The following FOLH1 variants were observed in gnomAD, a reference collection of about 807,000 sequenced individuals.
FOLH1 encodes glutamate carboxypeptidase 2.
In FOLH1, 54 loss-of-function variants were observed where a neutral mutation model predicts 93.9. That is an observed-to-expected ratio of 0.57 (90% CI 0.46 to 0.72). FOLH1 has a LOEUF of 0.72. Ranked by LOEUF, FOLH1 falls within the 30% of genes least tolerant of loss-of-function variation. The pLI, the probability that FOLH1 is intolerant of heterozygous loss-of-function variation, is 0.00. For missense variants in FOLH1, 571 were observed against 892.5 expected (o/e 0.64, Z 4.59); for synonymous variants, 249 against 303.6 (o/e 0.82, Z 1.87).
At chr11:49,184,523 A>G (rs1051347288) in intron 6 of FOLH1, among the ~76,000 whole-genome samples, 1 of 152,198 alleles carries the variant, frequency 6.6e-6, no homozygotes, top group African/African-American at 2.4e-5. Flanking sequence ...TTGGAAATAA[A>G]AAGGTGGAGC....
intron 6 of FOLH1, among the ~76,000 whole-genome samples, chr11:49,184,942 G>T (rs1428903972): frequency 6.6e-6 from 1 of 152,190 alleles, no homozygotes; most frequent in Non-Finnish European, 1.5e-5. Flanking sequence ...TGCCCATTCA[G>T]AGGAGGGGTG....
chr11:49,175,918 T>C lies in FOLH1; in HGVS notation c.960A>G (p.Arg320=). 6.2e-7 allele frequency: 1 copy of C among 1,613,828 alleles called. No homozygotes were observed. Among genetic ancestry groups the C allele is most frequent in the Non-Finnish European group, 8.5e-7 (1 of 1,179,790 alleles). The part of the protein sequence containing the change: ...GGSAPPDSSW[R]GSLKVPYNVG... Reference sequence around the variant, plus strand: ...CATTGTAGGGCACTTTGAGACTTCCTCTCCAGCTGCTATCTGGTGGTGCTG... The same window carrying C: ...CATTGTAGGGCACTTTGAGACTTCCCCTCCAGCTGCTATCTGGTGGTGCTG... The change falls in exon 8 of 19, where the codon AGA becomes AGG. Residue 320 remains arginine (R), a synonymous_variant. Transcript: ENST00000256999.
intron 18 of FOLH1, among the ~76,000 whole-genome samples, chr11:49,148,371 T>G (rs1280760001): frequency 3.3e-5 from 5 of 151,736 alleles, no homozygotes; most frequent in Admixed American, 6.6e-5. Flanking sequence ...ATTTTTATTT[T>G]TTGTCATGGC....
At chr11:49,203,105 T>G (rs1185213779) in intron 2 of FOLH1, among the ~76,000 whole-genome samples, 1 of 152,216 alleles carries the variant, frequency 6.6e-6, no homozygotes, top group Non-Finnish European at 1.5e-5. Context: ...TTAAGAAGTG[T>G]AGTTTAATAT....
At chr11:49,160,592 G>A (rs1358283888) in intron 13 of FOLH1, among the ~76,000 whole-genome samples, 10 of 151,896 alleles carry the variant, frequency 6.6e-5, no homozygotes, top group African/African-American at 2.4e-4. Flanking sequence ...ACAGGCACCC[G>A]CCACCACGTC....
chr11:49,168,201 C>T (rs1440529215), intron 12 of FOLH1, among the ~76,000 whole-genome samples: 2 of 151,462 alleles, frequency 1.3e-5, no homozygotes, highest in Non-Finnish European at 2.9e-5. Flanking sequence ...TGATGAGTGC[C>T]ATGAAGACAT....
chr11:49,169,074 T>C, intron 12 of FOLH1, 121 bp downstream of exon 12: 1 of 1,056,298 alleles, frequency 9.5e-7, no homozygotes, highest in East Asian at 2.5e-5. Context: ...CTGTCAGAGG[T>C]TGCAGTAGAT....
At chr11:49,157,647 C>T (rs1041038864) in intron 14 of FOLH1, among the ~76,000 whole-genome samples, 1 of 151,744 alleles carries the variant, frequency 6.6e-6, no homozygotes, top group Admixed American at 6.6e-5. Context: ...TAAAAAAATC[C>T]AAAGTCCAAA....
chr11:49,161,963 C>G (rs529881634), intron 13 of FOLH1, among the ~76,000 whole-genome samples: 4 of 152,332 alleles, frequency 2.6e-5, no homozygotes, highest in Admixed American at 2.0e-4. Context: ...CCAATCTCTT[C>G]TGGCTTGCAG....
At chr11:49,160,848 T>G (rs1229057007) in intron 13 of FOLH1, among the ~76,000 whole-genome samples, 1 of 152,216 alleles carries the variant, frequency 6.6e-6, no homozygotes, top group African/African-American at 2.4e-5. Context: ...TTGTTCTCAT[T>G]AGTTTCAAAG....
intron 3 of FOLH1, among the ~76,000 whole-genome samples, chr11:49,198,208 C>A (rs775326933): frequency 6.6e-6 from 1 of 151,826 alleles, no homozygotes; most frequent in Non-Finnish European, 1.5e-5. Flanking sequence ...CATAGCAAGA[C>A]CCCATCTTAA....
At chr11:49,178,517 C>T (rs1362338185) in intron 7 of FOLH1, among the ~76,000 whole-genome samples, 10 of 151,864 alleles carry the variant, frequency 6.6e-5, no homozygotes, top group Non-Finnish European at 1.3e-4. Context: ...TAGAAGAGAA[C>T]ATAATAATAG....
intron 4 of FOLH1, among the ~76,000 whole-genome samples, chr11:49,189,161 G>T (rs941065548): frequency 2.0e-5 from 3 of 152,072 alleles, no homozygotes; most frequent in Non-Finnish European, 4.4e-5. Flanking sequence ...CTCACGACAG[G>T]CTAGCTTTCA....
intron 1 of FOLH1, chr11:49,206,978 T>C: frequency 1.7e-6 from 1 of 574,400 alleles, no homozygotes; most frequent in Non-Finnish European, 3.1e-6. Context: ...CATGGAGCTT[T>C]CCAATTATTA....
chr11:49,153,042 A>T (rs1214360044), intron 17 of FOLH1, among the ~76,000 whole-genome samples: 3 of 152,074 alleles, frequency 2.0e-5, no homozygotes, highest in African/African-American at 7.2e-5. Context: ...TTTCTACATC[A>T]TCTACTGTAA....
chr11:49,175,949 C>T lies in FOLH1; in HGVS notation c.929G>A (p.Gly310Asp), dbSNP rs1395162779. 2 of 1,612,670 alleles carry T rather than the reference C, an allele frequency of 1.2e-6. No individual in the cohort carries two copies. Among genetic ancestry groups the T allele is most frequent in the Non-Finnish European group, 8.5e-7 (1 of 1,179,560 alleles). The change falls in exon 8 of 19, where the codon GGT (glycine) becomes GAT (aspartate). Residue 310 changes from glycine (G) to aspartate (D), a missense_variant. Coordinates refer to ENST00000256999, the MANE Select transcript of FOLH1 (RefSeq NM_004476.3). Reference protein sequence around the residue: ...YDAQKLLEKMGGSAPPDSSWR... With the variant: ...YDAQKLLEKMDGSAPPDSSWR... ...GCTGCTATCTGGTGGTGCTGAGCCA[C>T]CCATTTTTCTATTGGACACAAAAAA...
intron 3 of FOLH1, 23 bp downstream of exon 3, chr11:49,200,232 T>C: frequency 6.9e-7 from 1 of 1,453,104 alleles, no homozygotes; most frequent in Non-Finnish European, 9.2e-7. Flanking sequence ...AATGTTTCTT[T>C]TATTTATTTA....
chr11:49,203,942 T>C (rs1863553544), intron 2 of FOLH1, among the ~76,000 whole-genome samples: 2 of 152,146 alleles, frequency 1.3e-5, no homozygotes, highest in South Asian at 4.1e-4. Flanking sequence ...CCACACCTGT[T>C]AACACCAAAA....
intron 3 of FOLH1, among the ~76,000 whole-genome samples, chr11:49,198,373 T>C (rs1199574969): frequency 3.3e-5 from 5 of 151,652 alleles, no homozygotes; most frequent in South Asian, 4.2e-4. Context: ...TCCCAGCTAC[T>C]AGGGAGGCTG....
Sources: gnomAD v4.1 joint callset for allele counts (sites outside exome capture counted in the v4.1 genomes callset) on GRCh38, gnomAD v4.1.1 for gene constraint, MANE v1.5 for transcripts, NCBI Gene and HGNC (gene_info 2026-07-23, HGNC 2026-07-21) for gene names.